GRIP1: variants seen among roughly 807,000 people sequenced by gnomAD.
The protein encoded by GRIP1 is glutamate receptor-interacting protein 1.
In GRIP1, 45 loss-of-function variants were observed where a neutral mutation model predicts 129.9. That is an observed-to-expected ratio of 0.35 (90% confidence interval 0.27 to 0.44). The LOEUF is 0.44. Ranked by LOEUF, GRIP1 falls within the 20% of genes least tolerant of loss-of-function variation. The pLI is 1.00. For missense variants in GRIP1, 1,196 were observed against 1,396.8 expected (o/e 0.86, Z 2.29); for synonymous variants, 530 against 520.8 (o/e 1.02, Z -0.24).
At chr12:66,923,982 T>C (rs944686386) in intron 1 of GRIP1, among the ~76,000 whole-genome samples, 1 of 152,100 alleles carries the variant, frequency 6.6e-6, no homozygotes, top group South Asian at 2.1e-4. Flanking sequence ...GTAGCTGGGA[T>C]TACATGTATG....
At chr12:66,997,693 T>C (rs1229108304) in intron 1 of GRIP1, among the ~76,000 whole-genome samples, 2 of 152,148 alleles carry the variant, frequency 1.3e-5, no homozygotes, top group African/African-American at 2.4e-5. Flanking sequence ...TGCAAATGAA[T>C]TGGTCAAGAC....
intron 1 of GRIP1, among the ~76,000 whole-genome samples, chr12:66,708,935 A>C (rs1359117649): frequency 6.6e-6 from 1 of 151,902 alleles, no homozygotes; most frequent in Non-Finnish European, 1.5e-5. Flanking sequence ...AAGAAACATA[A>C]TTTGTAAGCT....
intron 1 of GRIP1, among the ~76,000 whole-genome samples, chr12:66,967,653 A>AGGCTATTC (rs1221301964): frequency 6.6e-6 from 1 of 152,172 alleles, no homozygotes; most frequent in African/African-American, 2.4e-5. Flanking sequence ...CTGAGACTAC[A>AGGCTATTC]GGCTATTCAA....
intron 1 of GRIP1, among the ~76,000 whole-genome samples, chr12:66,742,637 T>A (rs2036823087): frequency 1.3e-5 from 2 of 148,196 alleles, no homozygotes; most frequent in African/African-American, 2.5e-5. Context: ...AGAAAAATGT[T>A]AAAAAAAAAA....
chr12:66,522,384 C>T (rs181747153), intron 5 of GRIP1, among the ~76,000 whole-genome samples: 54 of 151,776 alleles, frequency 3.6e-4, no homozygotes, highest in Middle Eastern at 3.4e-3. Flanking sequence ...CTACAGCCAC[C>T]GCTGTTCTGC....
At chr12:66,463,800 T>G (rs1049809645) in intron 8 of GRIP1, among the ~76,000 whole-genome samples, 1 of 151,680 alleles carries the variant, frequency 6.6e-6, no homozygotes, top group Non-Finnish European at 1.5e-5. Flanking sequence ...ACTGGATGAG[T>G]TAAGAAAAGC....
intron 1 of GRIP1, among the ~76,000 whole-genome samples, chr12:66,669,601 A>G (rs987110591): frequency 1.2e-4 from 18 of 152,222 alleles, no homozygotes; most frequent in African/African-American, 4.3e-4. Flanking sequence ...AAAGCCATCT[A>G]TACAGGTTTA....
chr12:66,775,268 G>C (rs2037943518), intron 1 of GRIP1, among the ~76,000 whole-genome samples: 1 of 152,088 alleles, frequency 6.6e-6, no homozygotes, highest in African/African-American at 2.4e-5. Flanking sequence ...AAGGGGGTTG[G>C]GACAATTAAG....
At chr12:66,815,824 C>CTTTCTTTCTTTCTTTCTTTCTT (rs1566036678) in intron 1 of GRIP1, among the ~76,000 whole-genome samples, 2 of 80,830 alleles carry the variant, frequency 2.5e-5, no homozygotes, top group African/African-American at 1.1e-4. Flanking sequence ...TGAAAGATTT[C>CTTTCTTTCTTTCTTTCTTTCTT]TTTCTTTCTT....
At chr12:66,384,989 T>C (rs2056289748) in intron 19 of GRIP1, among the ~76,000 whole-genome samples, 1 of 152,184 alleles carries the variant, frequency 6.6e-6, no homozygotes, top group Non-Finnish European at 1.5e-5. Flanking sequence ...CCATTACTGA[T>C]AAAAAGTTAA....
At chr12:66,989,864 T>C (rs185300727) in intron 1 of GRIP1, among the ~76,000 whole-genome samples, 165 of 152,304 alleles carry the variant, frequency 1.1e-3, no homozygotes, top group Middle Eastern at 3.4e-3. Context: ...CTCTATTGAC[T>C]GCTGCAAAGT....
intron 2 of GRIP1, among the ~76,000 whole-genome samples, chr12:66,577,945 T>A (rs2870853): frequency 6.6e-6 from 1 of 151,972 alleles, no homozygotes; most frequent in Non-Finnish European, 1.5e-5. Flanking sequence ...CAGAGCAAGA[T>A]CCTGCTTTAA....
At chr12:66,474,352 T>C (rs1399330637) in intron 7 of GRIP1, among the ~76,000 whole-genome samples, 2 of 152,108 alleles carry the variant, frequency 1.3e-5, no homozygotes, top group African/African-American at 4.8e-5. Context: ...CTACATTTGA[T>C]TGGTGTACCT....
At chr12:66,553,375 T>C (rs773322843) in intron 2 of GRIP1, among the ~76,000 whole-genome samples, 1 of 151,926 alleles carries the variant, frequency 6.6e-6, no homozygotes, top group African/African-American at 2.4e-5. Context: ...CTATCTTCCA[T>C]TGAATATCTA....
chr12:67,042,893 A>G (rs1297493249), intron 1 of GRIP1, among the ~76,000 whole-genome samples: 1 of 152,226 alleles, frequency 6.6e-6, no homozygotes, highest in African/African-American at 2.4e-5. Flanking sequence ...CAGGAGCATA[A>G]TACATCTTCC....
chr12:66,891,951 C>T, intron 1 of GRIP1: 1 of 152,300 alleles, frequency 6.6e-6, no homozygotes, highest in East Asian at 1.9e-4. Flanking sequence ...CAGCAATCTT[C>T]TTCCTAATGG....
chr12:66,525,264 T>C (rs1281602543), intron 5 of GRIP1, among the ~76,000 whole-genome samples: 5 of 152,258 alleles, frequency 3.3e-5, no homozygotes, highest in Non-Finnish European at 7.4e-5. Flanking sequence ...TGATGAACAT[T>C]GATGCAAAAA....
intron 1 of GRIP1, among the ~76,000 whole-genome samples, chr12:66,672,730 G>C (rs1013551771): frequency 6.6e-6 from 1 of 152,010 alleles, no homozygotes; most frequent in Non-Finnish European, 1.5e-5. Context: ...ATAGTGGGAA[G>C]TTATCAAATT....
At chr12:66,979,252 A>C (rs76858400) in intron 1 of GRIP1, among the ~76,000 whole-genome samples, 17,748 of 109,744 alleles carry the variant, frequency 0.16, 1,588 homozygotes, top group African/African-American at 0.2. Context: ...AAAAAAAAAA[A>C]AACAAGCCCG....
Sources: allele counts gnomAD v4.1 joint callset (sites outside exome capture counted in the v4.1 genomes callset), GRCh38; gene constraint gnomAD v4.1.1; transcripts MANE v1.5; gene names NCBI Gene and HGNC (gene_info 2026-07-23, HGNC 2026-07-21).